The following MAMDC2 variants were observed in gnomAD, a reference collection of about 807,000 sequenced individuals.
MAMDC2 encodes the protein MAM domain containing 2.
In MAMDC2, 57 loss-of-function variants were observed where a neutral mutation model predicts 89.8. The ratio of observed to expected loss-of-function variants is 0.63; its 90% CI spans 0.51 to 0.79. The LOEUF (loss-of-function observed/expected upper bound fraction) is 0.79. Among genes scored for constraint, MAMDC2 ranks in the 30% least tolerant of loss-of-function variants. The pLI, the probability that MAMDC2 is intolerant of heterozygous loss-of-function variation, is 0.00. For missense variants in MAMDC2, 800 were observed against 820.6 expected, an observed-to-expected ratio of 0.97 and a Z score of 0.31; for synonymous variants, 313 against 293.4, an observed-to-expected ratio of 1.07 and a Z score of -0.68.
chr9:70,136,960 G>C (rs1481602621), intron 7 of MAMDC2, among the ~76,000 whole-genome samples: 2 of 152,040 alleles, frequency 1.3e-5, no homozygotes, highest in South Asian at 2.1e-4. Context: ...GGCAGACCAG[G>C]GTGTGGGCTA....
intron 9 of MAMDC2, chr9:70,157,373 T>C (rs994402657): frequency 1.3e-5 from 2 of 152,210 alleles, no homozygotes; most frequent in Non-Finnish European, 1.5e-5. Flanking sequence ...AAATTGACAA[T>C]TCACACATTA....
chr9:70,174,096 A>ACAGACTGTGG (rs2032428360), intron 11 of MAMDC2, among the ~76,000 whole-genome samples: 1 of 152,204 alleles, frequency 6.6e-6, no homozygotes, highest in Admixed American at 6.5e-5. Flanking sequence ...TACCTACCTC[A>ACAGACTGTGG]CAGACTGTGG....
intron 2 of MAMDC2, among the ~76,000 whole-genome samples, chr9:70,103,144 A>G (rs1828239193): frequency 6.6e-6 from 1 of 152,208 alleles, no homozygotes; most frequent in East Asian, 1.9e-4. Context: ...GAAATTAACC[A>G]AAGGCTTATA....
Position 70,145,273 on chromosome 9 carries a change from G to A in MAMDC2, c.1404+1454G>A, listed in dbSNP as rs1171843837. On this transcript the variant is annotated intron_variant, in intron 9 of 13. Coordinates refer to ENST00000377182, the MANE Select transcript of MAMDC2 (RefSeq NM_153267.5). ...TTGCTCAGCTCCCTGGAGGAGAGAG[G>A]AAGCAAACAGGTGTTTCTGGTACCA... Among the ~76,000 whole-genome samples the A allele has an allele frequency of 2.0e-5, 3 of 152,182 alleles. No individual in the cohort carries two copies. In the East Asian group the frequency reaches 5.8e-4, roughly 29 times the overall value.
At chr9:70,111,940 T>C (rs1250397635) in intron 4 of MAMDC2, among the ~76,000 whole-genome samples, 2 of 152,230 alleles carry the variant, frequency 1.3e-5, no homozygotes, top group Non-Finnish European at 2.9e-5. Flanking sequence ...ACAATAGCTA[T>C]TTGTCAAACA....
At chr9:70,179,687 A>G (rs1242547538) in intron 11 of MAMDC2, among the ~76,000 whole-genome samples, 1 of 150,932 alleles carries the variant, frequency 6.6e-6, no homozygotes, top group African/African-American at 2.4e-5. Context: ...TCAAACTCTT[A>G]GCCAGAAGAT....
chr9:70,119,499 T>A (rs1004169214), intron 5 of MAMDC2, among the ~76,000 whole-genome samples: 2 of 152,204 alleles, frequency 1.3e-5, no homozygotes, highest in Non-Finnish European at 2.9e-5. Context: ...GAAGCAGCTT[T>A]CTTAATTTTC....
At chr9:70,108,545 C>A (rs1278743035) in intron 3 of MAMDC2, 63 bp downstream of exon 3, 10 of 1,414,116 alleles carry the variant, frequency 7.1e-6, no homozygotes, top group African/African-American at 1.4e-5. Flanking sequence ...ATTCTAAAAT[C>A]TTATGAAAAC....
Position 70,126,236 on chromosome 9 carries a change from GC to G in MAMDC2, c.726del (p.Met243TrpfsTer121). ...ACAGCTCATCTCCCCGTTGACCACG[GC>G]CCCCATGGCTGGCTGCCTGTCATTT... ...VAQLISPLTT[A>X]PMAGCLSFYY... On this transcript the variant is annotated frameshift_variant, in exon 6 of 14. Transcript: ENST00000377182. LOFTEE classifies it high-confidence loss of function. 1 of 1,614,114 alleles carries G rather than the reference GC, an allele frequency of 6.2e-7. No individual in the cohort carries two copies.
chr9:70,102,324 T>C (rs1441053865), intron 2 of MAMDC2, among the ~76,000 whole-genome samples: 1 of 152,270 alleles, frequency 6.6e-6, no homozygotes, highest in African/African-American at 2.4e-5. Flanking sequence ...CACCCCAGCA[T>C]GATTATCACA....
At chr9:70,054,907 T>C (rs1826993508) in intron 2 of MAMDC2, among the ~76,000 whole-genome samples, 1 of 152,024 alleles carries the variant, frequency 6.6e-6, no homozygotes. Context: ...GCCCTGGAAC[T>C]TACTCATTGA....
Position 70,108,474 on chromosome 9 carries a change from A to T in MAMDC2, c.412A>T (p.Lys138Ter). The T allele has an allele frequency of 1.3e-6, 2 of 1,596,000 alleles. No individual in the cohort carries two copies. The highest frequency in any genetic ancestry group is 1.7e-6 in the Non-Finnish European group (2 of 1,173,202). ...CTTGGATTTGCAAAACAGTTCCAAG[A>T]AATTCAAGGTAGGTGGAGTTTAGGA... is the stretch of plus-strand genomic sequence containing the variant. The part of the protein sequence containing the change: ...ASLDLQNSSK[K>*]FKILIEGVLG... The change falls in exon 3 of 14, where the codon AAA becomes TAA. Residue 138 changes from lysine (K) to a stop codon, truncating the protein, a stop_gained. Transcript: ENST00000377182. LOFTEE classifies it high-confidence loss of function.
chr9:70,207,189 C>T (rs1587571063), intron 11 of MAMDC2, among the ~76,000 whole-genome samples: 2 of 152,304 alleles, frequency 1.3e-5, no homozygotes, highest in East Asian at 3.9e-4. Context: ...GTTCTAGATC[C>T]TTAAGGAATC....
rs529226369 is a variant in MAMDC2, at chr9:70,131,189, A to G, written c.901-330A>G. On this transcript the variant is annotated intron_variant, in intron 6 of 13. Transcript: ENST00000377182. ...TGAGCTCCCTTGGACCTCACTTATAAGGGTACCAATCCCATTCCAAAACCT... is the reference window on the plus strand; with the variant it reads ...TGAGCTCCCTTGGACCTCACTTATAGGGGTACCAATCCCATTCCAAAACCT... 1.3e-5 allele frequency among the ~76,000 whole-genome samples: 2 copies of G among 152,242 alleles called. 1 individual carries two copies. The highest frequency in any genetic ancestry group is 1.3e-4 in the Admixed American group (2 of 15,298).
chr9:70,220,366 C>A (rs981019002), intron 12 of MAMDC2, among the ~76,000 whole-genome samples: 5 of 152,162 alleles, frequency 3.3e-5, no homozygotes, highest in African/African-American at 1.2e-4. Context: ...AGACTTCCAG[C>A]TCACAGTCTG....
chr9:70,097,418 G>A (rs1184822771), intron 2 of MAMDC2, among the ~76,000 whole-genome samples: 1 of 152,164 alleles, frequency 6.6e-6, no homozygotes, highest in East Asian at 1.9e-4. Flanking sequence ...TGAGAACACC[G>A]AAAATTCAAT....
intron 2 of MAMDC2, among the ~76,000 whole-genome samples, chr9:70,059,356 G>C (rs1468611815): frequency 2.6e-5 from 4 of 151,582 alleles, no homozygotes; most frequent in Non-Finnish European, 5.9e-5. Flanking sequence ...GAAGAAACTA[G>C]GGTTTAGATA....
At chr9:70,207,200 A>G (rs1383089459) in intron 11 of MAMDC2, among the ~76,000 whole-genome samples, 1 of 152,248 alleles carries the variant, frequency 6.6e-6, no homozygotes, top group Non-Finnish European at 1.5e-5. Context: ...TTAAGGAATC[A>G]CCACACTGTC....
At chr9:70,050,968 G>C (rs1490143370) in intron 2 of MAMDC2, among the ~76,000 whole-genome samples, 1 of 152,210 alleles carries the variant, frequency 6.6e-6, no homozygotes, top group African/African-American at 2.4e-5. Context: ...TTGTTGTCAA[G>C]AATGCTTTGC....
Sources: allele counts gnomAD v4.1 joint callset (sites outside exome capture counted in the v4.1 genomes callset), GRCh38; gene constraint gnomAD v4.1.1; transcripts MANE v1.5; gene names NCBI Gene and HGNC (gene_info 2026-07-23, HGNC 2026-07-21).